MRPL34: variants seen among roughly 807,000 people sequenced by gnomAD.
MRPL34 encodes the protein large ribosomal subunit protein bL34m.
In MRPL34, 8 loss-of-function variants were observed where a neutral mutation model predicts 6.7. That is an observed-to-expected ratio of 1.20 (90% CI 0.70 to 2.16). MRPL34 has a LOEUF of 2.16. Among genes scored for constraint, MRPL34 ranks in the 30% most tolerant of loss-of-function variants. The pLI, the probability that MRPL34 is intolerant of heterozygous loss-of-function variation, is 0.00. For synonymous variants in MRPL34, 59 were observed against 55.1 expected, an observed-to-expected ratio of 1.07 and a Z score of -0.31; for missense variants, 146 against 125.5, an observed-to-expected ratio of 1.16 and a Z score of -0.78.
Position 17,306,298 on chromosome 19 carries a change from G to A in MRPL34, c.198G>A (p.Trp66Ter). 5.0e-6 allele frequency: 8 copies of A among 1,610,458 alleles called. No individual in the cohort carries two copies. Among genetic ancestry groups the A allele is most frequent in the Non-Finnish European group, 5.1e-6 (6 of 1,179,172 alleles). The change falls in exon 2 of 2, where the codon TGG becomes TGA. Residue 66 changes from tryptophan (W) to a stop codon, truncating the protein, a stop_gained. Transcript: ENST00000252602. LOFTEE classifies it high-confidence loss of function. Reference sequence around the variant, plus strand: ...TCAAACGCAAGAACAAGCACGGCTGGGTCCGGCGCCTGAGCACGCCGGCCG... The same window carrying A: ...TCAAACGCAAGAACAAGCACGGCTGAGTCCGGCGCCTGAGCACGCCGGCCG... ...SNIKRKNKHG[W>*]VRRLSTPAGV...
At chr19:17,301,508 C>G (rs2074118597), upstream of MRPL34, 15 of 1,611,698 alleles carry the variant, frequency 9.3e-6, no homozygotes, top group African/African-American at 1.3e-5. Context: ...GGCTTGACCT[C>G]TACAAAGGTG....
upstream of MRPL34, among the ~76,000 whole-genome samples, chr19:17,304,393 G>A (rs916629760): frequency 4.6e-5 from 7 of 152,308 alleles, no homozygotes; most frequent in Middle Eastern, 3.4e-3. Context: ...TGCTACGCAG[G>A]TAAAGCACTC....
upstream of MRPL34, chr19:17,301,670 A>G (rs1462158121): frequency 1.3e-6 from 2 of 1,483,754 alleles, no homozygotes; most frequent in Non-Finnish European, 1.8e-6. Context: ...CTCAATGAGA[A>G]CCCTGCACCG....
At chr19:17,302,406 T>C (rs2074124757), upstream of MRPL34, among the ~76,000 whole-genome samples, 2 of 152,148 alleles carry the variant, frequency 1.3e-5, no homozygotes, top group African/African-American at 2.4e-5. Context: ...CACTAACTCA[T>C]CCAGGTATGC....
chr19:17,294,386 C>T, intron 1 of MRPL34: 2 of 1,614,002 alleles, frequency 1.2e-6, no homozygotes, highest in Non-Finnish European at 8.5e-7. Context: ...TAGACCTCGT[C>T]GCCCTCGGGC....
chr19:17,306,536 T>A lies in MRPL34; in HGVS notation c.*157T>A. ...GAAGTCTGGATGGGAGCTTGCCAAG[T>A]CCCTTTTTAGGCTTTTTAATTAGGA... On this transcript the variant is annotated 3_prime_UTR_variant, in exon 2 of 2. Coordinates refer to ENST00000252602, the MANE Select transcript of MRPL34 (RefSeq NM_023937.4). 1.5e-6 allele frequency: 1 copy of A among 662,546 alleles called. No individual in the cohort carries two copies. Among genetic ancestry groups the A allele is most frequent in the Non-Finnish European group, 2.5e-6 (1 of 404,712 alleles). The allele number at this position is 662,546 out of a possible 1,614,324, so 41.0% of individuals were successfully genotyped here.
At chr19:17,304,151 T>G (rs1198387938), upstream of MRPL34, among the ~76,000 whole-genome samples, 1 of 152,190 alleles carries the variant, frequency 6.6e-6, no homozygotes, top group Non-Finnish European at 1.5e-5. Flanking sequence ...TTAGAGAGTT[T>G]GAATTTCATA....
chr19:17,296,441 T>C (rs2074094137), intron 1 of MRPL34: 1 of 152,182 alleles, frequency 6.6e-6, no homozygotes, highest in Non-Finnish European at 1.5e-5. Flanking sequence ...ATTAAACAAA[T>C]GCTTCCGGCT....
chr19:17,301,730 T>C (rs1599526253), upstream of MRPL34: 1 of 1,327,050 alleles, frequency 7.5e-7, no homozygotes, highest in East Asian at 2.8e-5. Context: ...GACTCCAGTT[T>C]GGGGAGCGCC....
upstream of MRPL34, among the ~76,000 whole-genome samples, chr19:17,299,463 A>G (rs1312314062): frequency 6.7e-6 from 1 of 149,376 alleles, no homozygotes; most frequent in African/African-American, 2.5e-5. Flanking sequence ...AGGGAGGCTG[A>G]GGCAGGAGAA....
chr19:17,301,103 C>G (rs555670452), upstream of MRPL34: 2 of 1,613,340 alleles, frequency 1.2e-6, no homozygotes, highest in South Asian at 2.2e-5. Context: ...TCGGCCTGGG[C>G]GCCTTTGCAG....
chr19:17,301,809 TTTTTGAGACA>T (rs2145660836), upstream of MRPL34, among the ~76,000 whole-genome samples: 1 of 149,604 alleles, frequency 6.7e-6, no homozygotes, highest in East Asian at 2.0e-4. Flanking sequence ...TGTGTGTGTG[TTTTTGAGACA>T]GTCTCGCTTT....
At chr19:17,293,450 C>A (rs2074079661) in intron 1 of MRPL34, among the ~76,000 whole-genome samples, 1 of 87,224 alleles carries the variant, frequency 1.1e-5, no homozygotes, top group African/African-American at 4.5e-5. Context: ...CTGGATCATT[C>A]TTTGCTGGGG....
chr19:17,293,415 A>G (rs1342659251), intron 1 of MRPL34, among the ~76,000 whole-genome samples: 1 of 129,524 alleles, frequency 7.7e-6, no homozygotes, highest in Admixed American at 9.2e-5. Flanking sequence ...GATTTTGTCA[A>G]CTTCAACTCT....
At chr19:17,302,204 AG>A (rs1402730242), upstream of MRPL34, 1 of 152,286 alleles carries the variant, frequency 6.6e-6, no homozygotes, top group Non-Finnish European at 1.5e-5. Context: ...TCCACAGGGA[AG>A]GTGGTGGCGT....
At chr19:17,304,849 A>G (rs2074138397), upstream of MRPL34, among the ~76,000 whole-genome samples, 1 of 152,034 alleles carries the variant, frequency 6.6e-6, no homozygotes, top group African/African-American at 2.4e-5. Flanking sequence ...TGGCGCTATC[A>G]TTGCTCACTA....
Position 17,294,244 on chromosome 19 carries a change from C to T in MRPL34, c.214+1390C>T. The T allele has an allele frequency of 2.5e-6, 4 of 1,580,654 alleles. No homozygotes were observed. In the South Asian group the frequency reaches 3.4e-5, roughly 13 times the overall value. The stretch of plus-strand genomic sequence containing the variant: ...GAGGCCACGCCCCTCCCGGGCAGCA[C>T]CCTGGGGATTTGTAGCTGTGGCGCC... On this transcript the variant is annotated intron_variant, in intron 1 of 2. Coordinates refer to the MRPL34 transcript ENST00000595444.
upstream of MRPL34, chr19:17,301,499 G>T (rs776077620): frequency 6.2e-7 from 1 of 1,611,864 alleles, no homozygotes; most frequent in Admixed American, 1.7e-5. Flanking sequence ...ACGCGGCCGG[G>T]CTTGACCTCT....
upstream of MRPL34, among the ~76,000 whole-genome samples, chr19:17,299,258 T>C (rs987035791): frequency 6.2e-5 from 8 of 129,140 alleles, no homozygotes; most frequent in African/African-American, 2.1e-4. Context: ...CTCTATATAA[T>C]TTTTTTTTGA....
Sources: gnomAD v4.1 joint callset for allele counts (sites outside exome capture counted in the v4.1 genomes callset) on GRCh38, gnomAD v4.1.1 for gene constraint, MANE v1.5 for transcripts, NCBI Gene and HGNC (gene_info 2026-07-23, HGNC 2026-07-21) for gene names.